The following PASD1 variants were observed in gnomAD, a reference collection of about 807,000 sequenced individuals.
PASD1 encodes the protein PAS domain containing repressor 1.
A neutral mutation model predicts 58.8 loss-of-function variants in PASD1; 13 were observed. The observed-to-expected ratio is 0.22, with a 90% CI of 0.14 to 0.35. The LOEUF is 0.35. PASD1 is among the 10% of genes least tolerant of loss of function. The probability of loss-of-function intolerance (pLI) is 1.00; values close to 1 mark genes in which losing one functional copy is unlikely to be tolerated. For missense variants in PASD1, 734 were observed against 568.3 expected (o/e 1.29, Z -2.96); for synonymous variants, 236 against 216.7 (o/e 1.09, Z -0.78).
intron 14 of PASD1, chrX:151,672,950 C>G: frequency 3.3e-6 from 1 of 299,723 alleles, no homozygotes; most frequent in Middle Eastern, 1.0e-3. Context: ...CTTGAAATCA[C>G]TTGGCTGGAT....
intron 8 of PASD1, among the ~76,000 whole-genome samples, chrX:151,638,303 G>A (rs1408931278): frequency 2.7e-5 from 3 of 109,386 alleles, no homozygotes; most frequent in Non-Finnish European, 5.7e-5. Flanking sequence ...GGGGAGTGGG[G>A]GGCTGGGGGA....
At position 151,621,490 on chromosome X, in the gene PASD1, A is replaced by G; in HGVS notation, c.316A>G (p.Ile106Val). The change falls in exon 6 of 16, where the codon ATT becomes GTT. Residue 106 changes from isoleucine (I) to valine (V), a missense_variant. Ile to Val is a conservative substitution (Grantham distance 29). Coordinates refer to ENST00000370357, the MANE Select transcript of PASD1 (RefSeq NM_173493.3). ...KFPLLNSETH[I>V]EFCCHLKRGN... ...TCTTCTCTTTTTACTAGAAACACAT[A>G]TTGAATTTTGCTGTCATTTAAAAAG... 1 of 1,193,966 alleles carries G rather than the reference A, an allele frequency of 8.4e-7. No homozygotes were observed.
At chrX:151,594,194 C>T (rs181063118) in intron 1 of PASD1, among the ~76,000 whole-genome samples, 29 of 110,803 alleles carry the variant, frequency 2.6e-4, no homozygotes, top group African/African-American at 8.6e-4. Flanking sequence ...AGGATGGTCT[C>T]GATCTCCTGA....
intron 4 of PASD1, among the ~76,000 whole-genome samples, chrX:151,616,242 C>T (rs2013635594): frequency 9.0e-6 from 1 of 110,921 alleles, no homozygotes; most frequent in Non-Finnish European, 1.9e-5. Context: ...GAGGGGCAGG[C>T]ATGGAAGTAC....
intron 8 of PASD1, among the ~76,000 whole-genome samples, chrX:151,628,734 A>C (rs1156259999): frequency 8.9e-6 from 1 of 111,780 alleles, no homozygotes; most frequent in East Asian, 2.8e-4. Flanking sequence ...GAAGAAAGTC[A>C]TTGGTAGCTT....
chrX:151,625,010 G>A (rs1288658737), intron 7 of PASD1, among the ~76,000 whole-genome samples: 1 of 111,905 alleles, frequency 8.9e-6, no homozygotes, highest in East Asian at 2.8e-4. Flanking sequence ...AAAAACATCT[G>A]ATTTGGCCCA....
Position 151,604,753 on chromosome X carries a change from T to C in PASD1, c.117+19T>C. 1 of 1,103,847 alleles carries C rather than the reference T, an allele frequency of 9.1e-7. No homozygotes were observed. The highest frequency in any genetic ancestry group is 1.3e-6 in the Non-Finnish European group (1 of 799,976). The allele number at this position is 1,103,847 out of a possible 1,213,427, so 91.0% of individuals were successfully genotyped here. ...GCTACAGGTAAGAGGGCTTTTGTTC[T>C]TTGATTACTTCATATGTTGAATACA... On this transcript the variant is annotated intron_variant, in intron 3 of 15. Transcript: ENST00000370357.
intron 9 of PASD1, among the ~76,000 whole-genome samples, chrX:151,656,795 C>T (rs1213165964): frequency 8.9e-6 from 1 of 111,851 alleles, no homozygotes; most frequent in African/African-American, 3.3e-5. Context: ...ACAATCATGT[C>T]ATCTGCAAAC....
At chrX:151,600,234 G>A (rs1176336610) in intron 1 of PASD1, among the ~76,000 whole-genome samples, 5 of 109,420 alleles carry the variant, frequency 4.6e-5, no homozygotes, top group East Asian at 5.8e-4. Context: ...GCCTTAGCTC[G>A]GCATCAGAGG....
chrX:151,656,079 C>G (rs915850429), intron 9 of PASD1, among the ~76,000 whole-genome samples: 1 of 112,128 alleles, frequency 8.9e-6, no homozygotes, highest in African/African-American at 3.2e-5. Context: ...ATATGTCTAG[C>G]CAGTTTTCCC....
chrX:151,564,302 G>A (rs757326729), intron 1 of PASD1, among the ~76,000 whole-genome samples: 1 of 112,240 alleles, frequency 8.9e-6, no homozygotes, highest in African/African-American at 3.2e-5. Flanking sequence ...TGGGGTGGGC[G>A]CGTATATCGA....
chrX:151,669,238 T>C (rs2014431542), intron 11 of PASD1, among the ~76,000 whole-genome samples: 1 of 106,502 alleles, frequency 9.4e-6, no homozygotes, highest in African/African-American at 3.4e-5. Context: ...ATGGTTTTCA[T>C]ATTATATATA....
chrX:151,636,634 C>T (rs2013934168), intron 8 of PASD1, among the ~76,000 whole-genome samples: 1 of 111,567 alleles, frequency 9.0e-6, no homozygotes, highest in Non-Finnish European at 1.9e-5. Flanking sequence ...GAACTCCTTA[C>T]CTCAGGTGAT....
chrX:151,594,422 A>G, intron 1 of PASD1, among the ~76,000 whole-genome samples: 1 of 110,965 alleles, frequency 9.0e-6, no homozygotes, highest in East Asian at 2.8e-4. Flanking sequence ...ATTCCATTTT[A>G]TCTCTTTTTT....
At chrX:151,667,481 C>T (rs1158159197) in intron 11 of PASD1, among the ~76,000 whole-genome samples, 1 of 111,813 alleles carries the variant, frequency 8.9e-6, no homozygotes, top group Non-Finnish European at 1.9e-5. Context: ...AATGGTATTG[C>T]CTAGGTTTTC....
At chrX:151,581,085 G>A (rs2013083289) in intron 1 of PASD1, among the ~76,000 whole-genome samples, 1 of 109,179 alleles carries the variant, frequency 9.2e-6, no homozygotes, top group Admixed American at 9.9e-5. Context: ...AAAATTAGCT[G>A]GGTGTGGTGG....
At chrX:151,601,634 G>C in intron 2 of PASD1, 53 bp downstream of exon 2, 1 of 1,141,985 alleles carries the variant, frequency 8.8e-7, no homozygotes, top group Non-Finnish European at 1.2e-6. Context: ...CCCTCGTCCT[G>C]TGTTCCCGTT....
intron 8 of PASD1, among the ~76,000 whole-genome samples, chrX:151,636,302 T>G (rs1229983265): frequency 8.9e-6 from 1 of 112,572 alleles, no homozygotes; most frequent in African/African-American, 3.2e-5. Flanking sequence ...ATTTTCCTTT[T>G]GATGGACATT....
At chrX:151,622,460 G>A (rs146419315) in intron 6 of PASD1, among the ~76,000 whole-genome samples, 6 of 110,879 alleles carry the variant, frequency 5.4e-5, no homozygotes, top group Non-Finnish European at 9.4e-5. Context: ...ATGAACATGT[G>A]AGAAATGAAT....
Sources: gnomAD v4.1 joint callset for allele counts (sites outside exome capture counted in the v4.1 genomes callset) on GRCh38, gnomAD v4.1.1 for gene constraint, MANE v1.5 for transcripts, NCBI Gene and HGNC (gene_info 2026-07-23, HGNC 2026-07-21) for gene names.